The following BLK variants were observed in gnomAD, a reference collection of about 807,000 sequenced individuals.
The protein encoded by BLK is tyrosine-protein kinase Blk.
In BLK, 64 loss-of-function variants were observed where a neutral mutation model predicts 61.8. That is an observed-to-expected ratio of 1.03 (90% CI 0.85 to 1.27). The LOEUF (loss-of-function observed/expected upper bound fraction) is 1.27. Ranked by LOEUF, BLK falls within the 50% of genes most tolerant of loss-of-function variation. The pLI is 0.00. For missense variants in BLK, 853 were observed against 660.5 expected, an observed-to-expected ratio of 1.29 and a Z score of -3.19; for synonymous variants, 351 against 272.0, an observed-to-expected ratio of 1.29 and a Z score of -2.86.
intron 1 of BLK, among the ~76,000 whole-genome samples, chr8:11,507,255 A>T (rs1310753876): frequency 6.6e-6 from 1 of 152,188 alleles, no homozygotes; most frequent in African/African-American, 2.4e-5. Context: ...CTTGACAACT[A>T]GTTAGAATTG....
chr8:11,540,715 T>G (rs1010105539), intron 1 of BLK, among the ~76,000 whole-genome samples: 1 of 152,094 alleles, frequency 6.6e-6, no homozygotes, highest in Non-Finnish European at 1.5e-5. Context: ...TGGGAATAGA[T>G]CATTCCTATA....
chr8:11,513,347 G>T (rs1266407700), intron 1 of BLK, among the ~76,000 whole-genome samples: 4 of 152,196 alleles, frequency 2.6e-5, no homozygotes, highest in Non-Finnish European at 5.9e-5. Context: ...GACCATAGTG[G>T]AGACTGAGAG....
intron 1 of BLK, among the ~76,000 whole-genome samples, chr8:11,532,161 G>A (rs1341473372): frequency 1.6e-5 from 2 of 122,480 alleles, no homozygotes; most frequent in Non-Finnish European, 1.8e-5. Context: ...ACCTGGTCAT[G>A]TTTTTTTTTC....
intron 10 of BLK, chr8:11,559,975 CT>C (rs1801414856): frequency 2.6e-6 from 1 of 379,850 alleles, no homozygotes; most frequent in Non-Finnish European, 5.2e-6. Context: ...AAATATATTT[CT>C]GGTACTGTTC....
chr8:11,520,514 A>AAAAAAAAAGG (rs1563435701), intron 1 of BLK, among the ~76,000 whole-genome samples: 2 of 150,670 alleles, frequency 1.3e-5, no homozygotes, highest in African/African-American at 4.9e-5. Flanking sequence ...GAAGAAAGAA[A>AAAAAAAAAGG]AAGAAAGAAA....
At chr8:11,558,943 A>C in intron 10 of BLK, 1 of 454,878 alleles carries the variant, frequency 2.2e-6, no homozygotes, top group Non-Finnish European at 4.4e-6. Context: ...CTGATGCCAC[A>C]ACGCCTTTTT....
At chr8:11,554,441 A>G (rs960666477) in intron 6 of BLK, among the ~76,000 whole-genome samples, 1 of 152,124 alleles carries the variant, frequency 6.6e-6, no homozygotes, top group Admixed American at 6.5e-5. Context: ...CCAGATGCCC[A>G]AGTGGGGACC....
chr8:11,507,756 T>G (rs1429748808), intron 1 of BLK, among the ~76,000 whole-genome samples: 1 of 151,834 alleles, frequency 6.6e-6, no homozygotes, highest in African/African-American at 2.4e-5. Context: ...GTGACCTGGA[T>G]TAGGACTGGA....
intron 10 of BLK, among the ~76,000 whole-genome samples, chr8:11,559,621 T>C (rs1054898885): frequency 8.5e-5 from 13 of 152,124 alleles, no homozygotes. Context: ...ATGCAAAGTC[T>C]CGCCAGACCT....
At chr8:11,548,916 G>A (rs972040151) in intron 4 of BLK, 108 bp from the exon 5 acceptor site, 43 of 995,550 alleles carry the variant, frequency 4.3e-5, no homozygotes, top group Non-Finnish European at 6.2e-5. Flanking sequence ...CTACCCCTGC[G>A]GATTCTCTGC....
chr8:11,535,534 T>C (rs1163029798), intron 1 of BLK, among the ~76,000 whole-genome samples: 1 of 152,230 alleles, frequency 6.6e-6, no homozygotes, highest in African/African-American at 2.4e-5. Flanking sequence ...TATTTTTTTC[T>C]AGTGTTCCCA....
At chr8:11,535,258 AAAGAAGAAAG>A (rs1563102286) in intron 1 of BLK, among the ~76,000 whole-genome samples, 7 of 141,356 alleles carry the variant, frequency 5.0e-5, no homozygotes, top group Non-Finnish European at 1.5e-5. Flanking sequence ...GGAAAGAAAG[AAAGAAGAAAG>A]AAAGAAAGAA....
chr8:11,546,701 A>G (rs960424206), intron 3 of BLK, among the ~76,000 whole-genome samples: 5 of 151,958 alleles, frequency 3.3e-5, no homozygotes, highest in African/African-American at 1.2e-4. Flanking sequence ...TCAGCCTCCC[A>G]AGTAGCTGGG....
At chr8:11,561,069 G>A (rs1324632626) in intron 10 of BLK, 3 of 687,622 alleles carry the variant, frequency 4.4e-6, no homozygotes, top group African/African-American at 3.5e-5. Context: ...ACGAGGAGGG[G>A]GAGGGGCACA....
intron 1 of BLK, among the ~76,000 whole-genome samples, chr8:11,515,299 A>T (rs1585339132): frequency 6.6e-6 from 1 of 151,512 alleles, no homozygotes; most frequent in African/African-American, 2.4e-5. Context: ...AGCAAGCTTG[A>T]CCTCCGTCAG....
At position 11,564,411 on chromosome 8, in the gene BLK, T is replaced by C; in HGVS notation, c.*303T>C. 1.6e-6 allele frequency: 1 copy of C among 621,314 alleles called. No individual in the cohort carries two copies. The highest frequency in any genetic ancestry group is 3.0e-6 in the Non-Finnish European group (1 of 332,544). 38.5% of individuals were successfully genotyped at this position (621,314 alleles called of 1,614,324 possible). A position where few individuals can be genotyped will look rare whatever the true frequency, so the allele number is the denominator to read the frequency against. ...GTTCAGGACTGGTAAGCGACTGTCA[T>C]CAAGTAAGGCCCCCGTGCTGGGCAC... On this transcript the variant is annotated 3_prime_UTR_variant, in exon 13 of 13. Coordinates refer to ENST00000259089, the MANE Select transcript of BLK (RefSeq NM_001715.3).
chr8:11,557,395 G>A (rs1801286082), intron 9 of BLK, among the ~76,000 whole-genome samples: 1 of 152,188 alleles, frequency 6.6e-6, no homozygotes, highest in South Asian at 2.1e-4. Context: ...CCTAACAACT[G>A]TCACCAAGGG....
intron 10 of BLK, chr8:11,558,927 C>T (rs1307272988): frequency 2.2e-6 from 1 of 456,086 alleles, no homozygotes; most frequent in Non-Finnish European, 4.4e-6. Flanking sequence ...AGCGCCGCTG[C>T]AGGAACTGAT....
chr8:11,510,188 A>G (rs1170483514), intron 1 of BLK, among the ~76,000 whole-genome samples: 1 of 152,206 alleles, frequency 6.6e-6, no homozygotes, highest in Non-Finnish European at 1.5e-5. Context: ...TTACGATGAT[A>G]TGGGGAGATG....
Sources: allele counts gnomAD v4.1 joint callset (sites outside exome capture counted in the v4.1 genomes callset), GRCh38; gene constraint gnomAD v4.1.1; transcripts MANE v1.5; gene names NCBI Gene and HGNC (gene_info 2026-07-23, HGNC 2026-07-21).